The following CNTN3 variants were observed in gnomAD, a reference collection of about 807,000 sequenced individuals.
CNTN3 encodes the protein contactin 3, also known as contactin-3.
A neutral mutation model predicts 119.1 loss-of-function variants in CNTN3; 60 were observed. That is an observed-to-expected ratio of 0.50 (90% CI 0.41 to 0.62). The LOEUF (loss-of-function observed/expected upper bound fraction) is 0.62, where lower values mean the gene tolerates loss of function less well. CNTN3 is among the 20% of genes least tolerant of loss of function. CNTN3 has a pLI of 0.00. For missense variants in CNTN3, 1,101 were observed against 1,242.4 expected, an observed-to-expected ratio of 0.89 and a Z score of 1.71; for synonymous variants, 450 against 438.7, an observed-to-expected ratio of 1.03 and a Z score of -0.32.
intron 1 of CNTN3, among the ~76,000 whole-genome samples, chr3:74,538,975 C>T (rs550777701): frequency 5.9e-5 from 9 of 151,892 alleles, no homozygotes; most frequent in Non-Finnish European, 1.2e-4. Context: ...TTAAATGTCA[C>T]CCTTCTCACA....
chr3:74,563,578 C>G (rs1322064833), intron 1 of CNTN3, among the ~76,000 whole-genome samples: 3 of 152,068 alleles, frequency 2.0e-5, no homozygotes, highest in Admixed American at 6.6e-5. Flanking sequence ...TACCCTGGAA[C>G]AAAACTCCAA....
intron 1 of CNTN3, among the ~76,000 whole-genome samples, chr3:74,580,295 C>T (rs1245277774): frequency 2.0e-5 from 3 of 152,134 alleles, no homozygotes; most frequent in African/African-American, 4.8e-5. Flanking sequence ...AGACCTTAGT[C>T]GTGAATTCCA....
chr3:74,487,147 C>T (rs1219879379), intron 3 of CNTN3, among the ~76,000 whole-genome samples: 2 of 152,086 alleles, frequency 1.3e-5, no homozygotes, highest in African/African-American at 4.8e-5. Flanking sequence ...CATTACAGTG[C>T]TATTTACAAA....
chr3:74,396,076 CCTCT>C (rs913771161), intron 5 of CNTN3, among the ~76,000 whole-genome samples: 1 of 152,062 alleles, frequency 6.6e-6, no homozygotes, highest in African/African-American at 2.4e-5. Flanking sequence ...TCTCTTTTCT[CCTCT>C]CTCTCTTGTT....
At chr3:74,451,405 T>C (rs1262153513) in intron 4 of CNTN3, among the ~76,000 whole-genome samples, 2 of 152,196 alleles carry the variant, frequency 1.3e-5, no homozygotes, top group Non-Finnish European at 2.9e-5. Flanking sequence ...TTGTAGATTC[T>C]GGATATTAGC....
At chr3:74,503,894 A>G (rs1311183423) in intron 2 of CNTN3, among the ~76,000 whole-genome samples, 1 of 152,138 alleles carries the variant, frequency 6.6e-6, no homozygotes, top group Non-Finnish European at 1.5e-5. Context: ...TCCAATCCTA[A>G]GGTGTTATTT....
At chr3:74,612,927 C>T (rs1705106960) in intron 1 of CNTN3, among the ~76,000 whole-genome samples, 2 of 152,142 alleles carry the variant, frequency 1.3e-5, no homozygotes, top group Admixed American at 1.3e-4. Context: ...ACAAATGTTG[C>T]ACAAATTGAT....
chr3:74,334,546 G>A (rs2106707384), intron 13 of CNTN3, among the ~76,000 whole-genome samples, 189 bp downstream of exon 13: 1 of 152,306 alleles, frequency 6.6e-6, no homozygotes, highest in South Asian at 2.1e-4. Flanking sequence ...ATACATTGAA[G>A]TAAATGTGTT....
At chr3:74,289,486 A>G (rs1702181816) in intron 19 of CNTN3, among the ~76,000 whole-genome samples, 1 of 152,096 alleles carries the variant, frequency 6.6e-6, no homozygotes, top group Admixed American at 6.6e-5. Context: ...TGCATTAGAA[A>G]TGGTGGCCAC....
chr3:74,277,025 A>T (rs893144225), intron 20 of CNTN3, among the ~76,000 whole-genome samples: 1 of 152,138 alleles, frequency 6.6e-6, no homozygotes, highest in Non-Finnish European at 1.5e-5. Context: ...ATAAACTAGA[A>T]AATCTAGAAG....
chr3:74,505,502 TACAC>T lies in CNTN3; in HGVS notation c.56-5721_56-5718del, dbSNP rs139877872. ...ATATATATTTATATATGTGCATAAA[TACAC>T]ACACACACACACACACACCACACAT... is the stretch of plus-strand genomic sequence containing the variant. On this transcript the variant is annotated intron_variant, in intron 2 of 22. Coordinates refer to ENST00000263665, the MANE Select transcript of CNTN3 (RefSeq NM_020872.3). Among the ~76,000 whole-genome samples the T allele has an allele frequency of 1.8e-3, 269 of 146,640 alleles. 1 individual carries two copies. The highest frequency in any genetic ancestry group is 2.5e-3 in the Non-Finnish European group (166 of 66,754).
chr3:74,594,897 G>C (rs971868436), intron 1 of CNTN3, among the ~76,000 whole-genome samples: 3 of 152,082 alleles, frequency 2.0e-5, no homozygotes, highest in Admixed American at 1.3e-4. Context: ...GGTTGAACTA[G>C]TTTACAGTCC....
chr3:74,353,592 T>C (rs1055937756), intron 11 of CNTN3, among the ~76,000 whole-genome samples: 2 of 151,928 alleles, frequency 1.3e-5, no homozygotes, highest in Admixed American at 1.3e-4. Context: ...CCGTCTCTAC[T>C]AAAAATACAA....
intron 1 of CNTN3, among the ~76,000 whole-genome samples, chr3:74,607,636 T>G (rs1420574065): frequency 1.3e-5 from 2 of 152,188 alleles, no homozygotes; most frequent in Non-Finnish European, 2.9e-5. Flanking sequence ...TGTTATATCC[T>G]GGCTTATAAA....
At chr3:74,440,702 T>C (rs765777835) in intron 4 of CNTN3, among the ~76,000 whole-genome samples, 2 of 152,180 alleles carry the variant, frequency 1.3e-5, no homozygotes, top group South Asian at 2.1e-4. Context: ...GTGCAGAACA[T>C]GCAGGTTTGT....
rs183346440 is a variant in CNTN3, at chr3:74,561,626, G to A, written c.-80-40434C>T. Among the ~76,000 whole-genome samples the A allele has an allele frequency of 1.2e-3, 175 of 152,082 alleles. 1 individual carries two copies. In the Middle Eastern group the frequency reaches 0.027, roughly 24 times the overall value. On this transcript the variant is annotated intron_variant, in intron 1 of 22. Coordinates refer to ENST00000263665, the MANE Select transcript of CNTN3 (RefSeq NM_020872.3). ...ACAGAAGTGTCCTTCTTCCCCTCACGTCCCCCACTACAAATCATTGCTGTA... is the reference window on the plus strand; with the variant it reads ...ACAGAAGTGTCCTTCTTCCCCTCACATCCCCCACTACAAATCATTGCTGTA...
At chr3:74,535,481 G>C (rs1261885024) in intron 1 of CNTN3, among the ~76,000 whole-genome samples, 3 of 152,082 alleles carry the variant, frequency 2.0e-5, no homozygotes, top group African/African-American at 4.8e-5. Context: ...GGGAGGGAGA[G>C]AGAGGGAAAG....
At chr3:74,488,396 A>G (rs1407823454) in intron 3 of CNTN3, among the ~76,000 whole-genome samples, 1 of 152,204 alleles carries the variant, frequency 6.6e-6, no homozygotes, top group African/African-American at 2.4e-5. Flanking sequence ...TACAGGAGTG[A>G]GCCACTGCAC....
At chr3:74,400,388 T>A (rs1705161225) in intron 5 of CNTN3, among the ~76,000 whole-genome samples, 1 of 152,230 alleles carries the variant, frequency 6.6e-6, no homozygotes, top group Non-Finnish European at 1.5e-5. Flanking sequence ...GGGGTCGTGA[T>A]AGAAGTCTTG....
Sources: allele counts gnomAD v4.1 joint callset (sites outside exome capture counted in the v4.1 genomes callset), GRCh38; gene constraint gnomAD v4.1.1; transcripts MANE v1.5; gene names NCBI Gene and HGNC (gene_info 2026-07-23, HGNC 2026-07-21).